The following PCM1 variants were observed in gnomAD, a reference collection of about 807,000 sequenced individuals.
PCM1 encodes pericentriolar material 1.
A neutral mutation model predicts 241.9 loss-of-function variants in PCM1; 157 were observed. That is an observed-to-expected ratio of 0.65 (90% confidence interval 0.57 to 0.74). The LOEUF is 0.74. PCM1 is among the 30% of genes least tolerant of loss of function. The probability of loss-of-function intolerance (pLI) is 0.00; values close to 1 mark genes in which losing one functional copy is unlikely to be tolerated. For missense variants in PCM1, 3,478 were observed against 2,360.1 expected (o/e 1.47, Z -9.81); for synonymous variants, 1,085 against 784.9 (o/e 1.38, Z -6.39).
At chr8:18,010,585 C>T in intron 31 of PCM1, 24 bp from the exon 32 acceptor site, 2 of 1,557,456 alleles carry the variant, frequency 1.3e-6, no homozygotes, top group South Asian at 2.4e-5. Flanking sequence ...TTGCTAAATT[C>T]TGTGTAATTG....
intron 23 of PCM1, among the ~76,000 whole-genome samples, chr8:17,975,919 C>G (rs1033917829): frequency 6.6e-6 from 1 of 152,140 alleles, no homozygotes; most frequent in Non-Finnish European, 1.5e-5. Flanking sequence ...TCCTGCCTTA[C>G]TGAGTTTTTC....
intron 26 of PCM1, 169 bp downstream of exon 26, chr8:17,986,256 C>A (rs2082553703): frequency 4.4e-6 from 2 of 449,830 alleles, no homozygotes; most frequent in East Asian, 7.2e-5. Flanking sequence ...ATATAATATG[C>A]AATCAAAATA....
rs150535389 is a variant in PCM1, at chr8:17,946,469, A to G, written c.784-717A>G. 1.1e-4 allele frequency among the ~76,000 whole-genome samples: 17 copies of G among 152,076 alleles called. No homozygotes were observed. In the East Asian group the frequency reaches 3.3e-3, roughly 29 times the overall value. On this transcript the variant is annotated intron_variant, in intron 6 of 38. Coordinates refer to ENST00000325083, the MANE Select transcript of PCM1 (RefSeq NM_006197.4). The stretch of plus-strand genomic sequence containing the variant: ...CTTTCTAGGTTTTGTTGTTGTTTTT[A>G]AATATTACTTCTAGTCTTTTTTTTT...
Position 18,006,417 on chromosome 8 carries a change from T to G in PCM1, c.4962+20T>G. 1.3e-6 allele frequency: 2 copies of G among 1,567,626 alleles called. No homozygotes were observed. Among genetic ancestry groups the G allele is most frequent in the East Asian group, 2.2e-5 (1 of 44,604 alleles). ...TTACAGGTAAGAGTTTATACTTGTA[T>G]GATTTACCAATATGTACTGTGTGGT... On this transcript the variant is annotated intron_variant, in intron 30 of 38. Transcript: ENST00000325083.
intron 2 of PCM1, among the ~76,000 whole-genome samples, chr8:17,932,287 G>C (rs2129447708): frequency 1.3e-5 from 2 of 152,168 alleles, no homozygotes; most frequent in Middle Eastern, 6.8e-3. Context: ...TGTTTTCTTA[G>C]ATTGCATATA....
intron 24 of PCM1, among the ~76,000 whole-genome samples, chr8:17,985,113 TA>T (rs2082177420): frequency 6.6e-6 from 1 of 151,922 alleles, no homozygotes; most frequent in South Asian, 2.1e-4. Context: ...AGCTTATTTC[TA>T]AGTGTTGAAA....
rs777729201 is a variant in PCM1, at chr8:17,966,197, G to A, written c.3054G>A (p.Gln1018=). 4 of 1,613,520 alleles carry A rather than the reference G, an allele frequency of 2.5e-6. No individual in the cohort carries two copies. Among genetic ancestry groups the A allele is most frequent in the Middle Eastern group, 1.6e-4 (1 of 6,084 alleles). Residue 1018 remains glutamine (Q), a synonymous_variant, in exon 19 of 39, where the codon CAG becomes CAA. Transcript: ENST00000325083. ...KQLDFSVSIC[Q]TLMQDQQTLS... is the part of the protein sequence containing the mutation. ...TTGATTTTAGTGTCAGTATTTGTCA[G>A]ACTTTGATGCAAGACCAGCAGGTAA...
intron 3 of PCM1, 62 bp downstream of exon 3, chr8:17,935,768 C>G: frequency 1.2e-6 from 1 of 808,284 alleles, no homozygotes. Context: ...CAGTTTTCCC[C>G]CTGACCAAAT....
chr8:17,937,993 C>T (rs574934226), intron 4 of PCM1, among the ~76,000 whole-genome samples: 119 of 152,190 alleles, frequency 7.8e-4, no homozygotes, highest in African/African-American at 2.7e-3. Context: ...GTATATCAGG[C>T]ACTGAGCTGA....
intron 18 of PCM1, 143 bp from the exon 19 acceptor site, chr8:17,965,856 C>G: frequency 1.7e-6 from 1 of 576,616 alleles, no homozygotes; most frequent in Non-Finnish European, 3.0e-6. Context: ...ACTTCTCCCC[C>G]CTCTATATTT....
At chr8:18,004,629 TGACTTTTTTTGTAG>T (rs979423976) in intron 29 of PCM1, among the ~76,000 whole-genome samples, 6 of 152,192 alleles carry the variant, frequency 3.9e-5, no homozygotes, top group African/African-American at 1.4e-4. Context: ...CTTCAGATCT[TGACTTTTTTTGTAG>T]GACTGTAGAA....
intron 23 of PCM1, among the ~76,000 whole-genome samples, chr8:17,975,653 C>T (rs759834275): frequency 8.5e-5 from 13 of 152,106 alleles, no homozygotes; most frequent in Non-Finnish European, 1.5e-4. Context: ...AGATATGGTA[C>T]AGCCAGTTAT....
chr8:18,026,159 C>A (rs62498215), intron 38 of PCM1, among the ~76,000 whole-genome samples: 71,787 of 71,888 alleles, frequency 1, 35,845 homozygotes, highest in Middle Eastern at 1. Flanking sequence ...GCGAGACTCC[C>A]TCTCTGAAAC....
chr8:17,941,848 A>G (rs914234442), intron 6 of PCM1, among the ~76,000 whole-genome samples: 5 of 144,706 alleles, frequency 3.5e-5, no homozygotes, highest in Admixed American at 2.0e-4. Context: ...ATACTTTACA[A>G]TATTAACTTG....
At chr8:17,975,732 A>T (rs1332688258) in intron 23 of PCM1, among the ~76,000 whole-genome samples, 3 of 152,172 alleles carry the variant, frequency 2.0e-5, no homozygotes, top group Non-Finnish European at 4.4e-5. Flanking sequence ...ATTCTTTCAG[A>T]AGTAGCTTGA....
At chr8:18,004,948 A>G (rs2090825858) in intron 29 of PCM1, among the ~76,000 whole-genome samples, 1 of 151,732 alleles carries the variant, frequency 6.6e-6, no homozygotes, top group Non-Finnish European at 1.5e-5. Flanking sequence ...CCCTCTAGCT[A>G]CTCTCCATCT....
At chr8:17,986,153 G>A in intron 26 of PCM1, 66 bp downstream of exon 26, 1 of 1,136,028 alleles carries the variant, frequency 8.8e-7, no homozygotes, top group South Asian at 2.1e-5. Context: ...AAGTTAAATA[G>A]ATTATTGTCA....
Position 17,956,730 on chromosome 8 carries a change from A to C in PCM1, c.1599A>C (p.Ser533=), listed in dbSNP as rs373846709. 1.7e-5 allele frequency: 27 copies of C among 1,609,124 alleles called. No individual in the cohort carries two copies. The highest frequency in any genetic ancestry group is 2.3e-5 in the Non-Finnish European group (27 of 1,177,192). ...ENRKDEETEE[S]EYDSEHENSE... is the part of the protein sequence containing the mutation. ...GGAAAGATGAAGAAACTGAAGAGTC[A>C]GAATATGATTCTGAGCATGAAAATT... Residue 533 remains serine (S), a synonymous_variant, in exon 11 of 39, where the codon TCA becomes TCC. Coordinates refer to ENST00000325083, the MANE Select transcript of PCM1 (RefSeq NM_006197.4).
chr8:17,923,783 A>G (rs1036141553), intron 1 of PCM1, among the ~76,000 whole-genome samples: 3 of 151,658 alleles, frequency 2.0e-5, no homozygotes, highest in African/African-American at 7.3e-5. Flanking sequence ...AGGTTAATGG[A>G]GTAATTATTG....
Sources: gnomAD v4.1 joint callset for allele counts (sites outside exome capture counted in the v4.1 genomes callset) on GRCh38, gnomAD v4.1.1 for gene constraint, MANE v1.5 for transcripts, NCBI Gene and HGNC (gene_info 2026-07-23, HGNC 2026-07-21) for gene names.